The following CPLX1 variants were observed in gnomAD, a reference collection of about 807,000 sequenced individuals.
CPLX1 encodes the protein complexin-1.
CPLX1 carries 6 observed loss-of-function variants against 15.6 expected under a neutral mutation model. The observed-to-expected ratio is 0.39, with a 90% CI of 0.21 to 0.76. The LOEUF (loss-of-function observed/expected upper bound fraction) is 0.76, where lower values mean the gene tolerates loss of function less well. Among genes scored for constraint, CPLX1 ranks in the 30% least tolerant of loss-of-function variants. The pLI is 0.43. For synonymous variants in CPLX1, 91 were observed against 75.2 expected (o/e 1.21, Z -1.08); for missense variants, 242 against 188.6 (o/e 1.28, Z -1.66).
chr4:798,886 G>A (rs1746398898), intron 2 of CPLX1, among the ~76,000 whole-genome samples: 1 of 152,156 alleles, frequency 6.6e-6, no homozygotes, highest in Non-Finnish European at 1.5e-5. Flanking sequence ...TGGGACTTTG[G>A]CTTAAGCAAA....
chr4:790,644 C>T (rs1746141503), intron 3 of CPLX1, among the ~76,000 whole-genome samples: 1 of 152,148 alleles, frequency 6.6e-6, no homozygotes, highest in Admixed American at 6.5e-5. Context: ...CCTCTAGGAT[C>T]ATGCCAGCAG....
At position 789,451 on chromosome 4, in the gene CPLX1, C is replaced by T. The variant is rs190366852; in HGVS notation, c.208-2753G>A. 9.4e-3 allele frequency among the ~76,000 whole-genome samples: 1,430 copies of T among 152,340 alleles called. 16 individuals carry two copies. Among genetic ancestry groups the T allele is most frequent in the Non-Finnish European group, 0.013 (855 of 68,022 alleles). ...AGAACCAACAATAGGAATGATAGGA[C>T]CAAACAGCCAGCATTCAGCAACCAG... On this transcript the variant is annotated intron_variant, in intron 3 of 3. Transcript: ENST00000304062.
At chr4:825,108 C>G (rs1441619987) in intron 1 of CPLX1, among the ~76,000 whole-genome samples, 1 of 152,156 alleles carries the variant, frequency 6.6e-6, no homozygotes, top group African/African-American at 2.4e-5. Flanking sequence ...GTGTGCCCCC[C>G]ACATGGCCCG....
intron 2 of CPLX1, among the ~76,000 whole-genome samples, chr4:802,613 T>C (rs1360488943): frequency 6.6e-6 from 1 of 152,164 alleles, no homozygotes; most frequent in African/African-American, 2.4e-5. Context: ...AGGACGTAAG[T>C]AACCCTTCAA....
Position 786,544 on chromosome 4 carries a change from A to G in CPLX1, c.362T>C (p.Ile121Thr). 1 of 1,606,948 alleles carries G rather than the reference A, an allele frequency of 6.2e-7. No individual in the cohort carries two copies. ...CTGCAGCGGCCCGGGCAGGTACTTGATGACGGTGTCCAGGATGCTCTCGTC... is the reference window on the plus strand; with the variant it reads ...CTGCAGCGGCCCGGGCAGGTACTTGGTGACGGTGTCCAGGATGCTCTCGTC... ...EEDESILDTV[I>T]KYLPGPLQDM... Residue 121 changes from isoleucine to threonine, a missense_variant, in exon 4 of 4, where the codon ATC becomes ACC. Transcript: ENST00000304062.
intron 2 of CPLX1, among the ~76,000 whole-genome samples, chr4:794,084 C>A (rs923935353): frequency 6.6e-6 from 1 of 152,248 alleles, no homozygotes; most frequent in Non-Finnish European, 1.5e-5. Flanking sequence ...GCTATCTGTG[C>A]CAGTGCTGCC....
intron 2 of CPLX1, among the ~76,000 whole-genome samples, chr4:808,510 C>G (rs911830828): frequency 2.0e-5 from 3 of 152,144 alleles, no homozygotes; most frequent in Non-Finnish European, 4.4e-5. Flanking sequence ...ACCAAACAAA[C>G]CAAGGCAGGC....
At chr4:822,512 CTG>C (rs1015951728) in intron 2 of CPLX1, among the ~76,000 whole-genome samples, 1 of 152,054 alleles carries the variant, frequency 6.6e-6, no homozygotes, top group African/African-American at 2.4e-5. Flanking sequence ...GTCTTTTTCT[CTG>C]TCTGTTTCTG....
At chr4:813,601 G>A (rs1746700071) in intron 2 of CPLX1, among the ~76,000 whole-genome samples, 1 of 152,140 alleles carries the variant, frequency 6.6e-6, no homozygotes, top group Admixed American at 6.6e-5. Flanking sequence ...CCCAGACTCA[G>A]ACCAATCCTC....
At chr4:820,532 T>C (rs1286945892) in intron 2 of CPLX1, among the ~76,000 whole-genome samples, 1 of 152,148 alleles carries the variant, frequency 6.6e-6, no homozygotes, top group Non-Finnish European at 1.5e-5. Flanking sequence ...GTTGCCTCCA[T>C]GGCCCTGCCT....
At chr4:819,417 ATC>A (rs1746818832) in intron 2 of CPLX1, among the ~76,000 whole-genome samples, 1 of 152,248 alleles carries the variant, frequency 6.6e-6, no homozygotes, top group Admixed American at 6.5e-5. Context: ...GATAAGAGGC[ATC>A]TCTGCCGAAC....
intron 2 of CPLX1, among the ~76,000 whole-genome samples, chr4:798,404 T>C (rs773633848): frequency 1.3e-5 from 2 of 150,360 alleles, no homozygotes; most frequent in South Asian, 2.2e-4. Context: ...AGGGTGAGGA[T>C]AGTCCTTACT....
At chr4:807,139 C>T (rs1211146827) in intron 2 of CPLX1, among the ~76,000 whole-genome samples, 1 of 152,198 alleles carries the variant, frequency 6.6e-6, no homozygotes, top group Non-Finnish European at 1.5e-5. Context: ...GAATACTACA[C>T]AGCCATAAAA....
intron 3 of CPLX1, among the ~76,000 whole-genome samples, chr4:791,231 A>G (rs929012096): frequency 6.6e-6 from 1 of 151,484 alleles, no homozygotes; most frequent in East Asian, 1.9e-4. Flanking sequence ...GAGCCAGCAC[A>G]GCAAAGTCGA....
intron 2 of CPLX1, among the ~76,000 whole-genome samples, chr4:808,053 C>T (rs527281016): frequency 2.6e-4 from 40 of 152,130 alleles, no homozygotes; most frequent in Admixed American, 1.8e-3. Flanking sequence ...ATCGCTTGAG[C>T]CCAGGAGCTC....
intron 2 of CPLX1, among the ~76,000 whole-genome samples, chr4:796,139 A>C (rs1746333692): frequency 6.6e-6 from 1 of 152,216 alleles, no homozygotes; most frequent in Non-Finnish European, 1.5e-5. Context: ...CATTCAATTT[A>C]GTATACGTTA....
chr4:808,435 C>T (rs1055451765), intron 2 of CPLX1, among the ~76,000 whole-genome samples: 12 of 152,134 alleles, frequency 7.9e-5, no homozygotes, highest in African/African-American at 1.7e-4. Context: ...GAAACGCTCA[C>T]GCTCCCGGCA....
At chr4:795,478 G>A (rs1387766146) in intron 2 of CPLX1, among the ~76,000 whole-genome samples, 1 of 152,232 alleles carries the variant, frequency 6.6e-6, no homozygotes, top group Non-Finnish European at 1.5e-5. Flanking sequence ...GCGGTCCCAC[G>A]TGGTGCCTGA....
intron 2 of CPLX1, among the ~76,000 whole-genome samples, chr4:800,613 A>G (rs1190853546): frequency 7.8e-6 from 1 of 127,794 alleles, no homozygotes; most frequent in Non-Finnish European, 1.6e-5. Context: ...TTAGCCAGAC[A>G]TGGTGACGGG....
Sources: gnomAD v4.1 joint callset for allele counts (sites outside exome capture counted in the v4.1 genomes callset) on GRCh38, gnomAD v4.1.1 for gene constraint, MANE v1.5 for transcripts, NCBI Gene and HGNC (gene_info 2026-07-23, HGNC 2026-07-21) for gene names.